The following MYO5A variants were observed in gnomAD, a reference collection of about 807,000 sequenced individuals.
The protein encoded by MYO5A is unconventional myosin-Va.
In MYO5A, 98 loss-of-function variants were observed where a neutral mutation model predicts 249.7. That is an observed-to-expected ratio of 0.39 (90% CI 0.33 to 0.46). The LOEUF (loss-of-function observed/expected upper bound fraction) is 0.46, where lower values mean the gene tolerates loss of function less well. MYO5A is among the 20% of genes least tolerant of loss of function. The pLI is 0.98. For missense variants in MYO5A, 1,696 were observed against 2,308.8 expected (o/e 0.73, Z 5.44); for synonymous variants, 778 against 810.6 (o/e 0.96, Z 0.68).
intron 20 of MYO5A, among the ~76,000 whole-genome samples, chr15:52,372,872 G>C (rs547885333): frequency 1.3e-5 from 2 of 151,934 alleles, no homozygotes; most frequent in Admixed American, 6.6e-5. Context: ...TATTAGGCCC[G>C]TGCATGAGGA....
chr15:52,365,151 T>C (rs16964924), intron 23 of MYO5A, among the ~76,000 whole-genome samples: 13,572 of 152,244 alleles, frequency 0.089, 1,879 homozygotes, highest in African/African-American at 0.3. Flanking sequence ...GTGGACCCGG[T>C]TGTCCTACTC....
chr15:52,460,410 C>A (rs145363150), intron 1 of MYO5A, among the ~76,000 whole-genome samples: 1 of 152,136 alleles, frequency 6.6e-6, no homozygotes, highest in Non-Finnish European at 1.5e-5. Flanking sequence ...CTCGGGAGGC[C>A]GAGGCTGGCA....
Position 52,337,896 on chromosome 15 carries a change from G to A in MYO5A, c.4240-12C>T. Reference sequence around the variant, plus strand: ...AATTCCTCAAAATACTGAAAAAACAGGCACAATGGATATTTGTTTTTGTCT... The same window carrying A: ...AATTCCTCAAAATACTGAAAAAACAAGCACAATGGATATTTGTTTTTGTCT... On this transcript the variant is annotated splice_polypyrimidine_tract_variant and intron_variant, in intron 32 of 41. Coordinates refer to ENST00000399233, the MANE Select transcript of MYO5A (RefSeq NM_001382347.1). 1 of 1,513,186 alleles carries A rather than the reference G, an allele frequency of 6.6e-7. No individual in the cohort carries two copies. The highest frequency in any genetic ancestry group is 8.9e-7 in the Non-Finnish European group (1 of 1,118,132). 93.7% of individuals were successfully genotyped at this position (1,513,186 alleles called of 1,614,324 possible). A position where few individuals can be genotyped will look rare whatever the true frequency, so the allele number is the denominator to read the frequency against.
chr15:52,495,616 T>C (rs1267282223), intron 1 of MYO5A, among the ~76,000 whole-genome samples: 4 of 152,188 alleles, frequency 2.6e-5, no homozygotes, highest in African/African-American at 9.7e-5. Context: ...CCATAGTGTA[T>C]ACATATACCA....
At chr15:52,473,491 T>A (rs1819416789) in intron 1 of MYO5A, among the ~76,000 whole-genome samples, 1 of 152,356 alleles carries the variant, frequency 6.6e-6, no homozygotes, top group South Asian at 2.1e-4. Flanking sequence ...CTGAATGGTA[T>A]TGCCTAGGTT....
rs1379636179 is a variant in MYO5A, at chr15:52,336,662, A to G, written c.4315-106T>C. The G allele has an allele frequency of 6.8e-6, 6 of 878,016 alleles. No homozygotes were observed. In the East Asian group the frequency reaches 1.6e-4, roughly 23 times the overall value. 54.4% of individuals were successfully genotyped at this position (878,016 alleles called of 1,614,324 possible). A position where few individuals can be genotyped will look rare whatever the true frequency, so the allele number is the denominator to read the frequency against. ...CACAGAAACAACACGTTAGTTTTAC[A>G]TAAGAGCTCATTGGTGGAGCCACCA... On this transcript the variant is annotated intron_variant, in intron 33 of 41. Coordinates refer to ENST00000399233, the MANE Select transcript of MYO5A (RefSeq NM_001382347.1).
Position 52,352,802 on chromosome 15 carries a change from G to GA in MYO5A, c.3621+802dup, listed in dbSNP as rs199795467. The stretch of plus-strand genomic sequence containing the variant: ...CATTTCAAAAAGAAAAAAGAAAAAA[G>GA]AAAAAAAAACTATTTAAAGTCCTTC... On this transcript the variant is annotated intron_variant, in intron 27 of 41. Coordinates refer to ENST00000399233, the MANE Select transcript of MYO5A (RefSeq NM_001382347.1). Among the ~76,000 whole-genome samples the GA allele has an allele frequency of 8.8e-3, 1,320 of 150,426 alleles. 15 individuals are homozygous for GA. The highest frequency in any genetic ancestry group is 0.028 in the African/African-American group (1,130 of 41,036).
Position 52,317,080 on chromosome 15 carries a change from A to C in MYO5A, c.5377T>G (p.Cys1793Gly). 6.2e-7 allele frequency: 1 copy of C among 1,614,176 alleles called. No homozygotes were observed. Among genetic ancestry groups the C allele is most frequent in the Non-Finnish European group, 8.5e-7 (1 of 1,180,018 alleles). ...GTAGTTAAAGCATTGCACATAGAAC[A>C]AATGGCTTCTGCATCATCATCTGTT... ...KKTDDDAEAI[C>G]SMCNALTTAQ... Residue 1793 changes from cysteine (C) to glycine (G), a missense_variant, in exon 40 of 42, where the codon TGT becomes GGT. Cys to Gly is a radical substitution (Grantham distance 159). Transcript: ENST00000399233.
intron 1 of MYO5A, among the ~76,000 whole-genome samples, chr15:52,507,148 T>C (rs1293936299): frequency 6.6e-6 from 1 of 152,222 alleles, no homozygotes; most frequent in Non-Finnish European, 1.5e-5. Context: ...CATATTTGTC[T>C]TCGAACCTCT....
chr15:52,407,783 A>G (rs142820959), intron 7 of MYO5A, among the ~76,000 whole-genome samples: 23 of 152,224 alleles, frequency 1.5e-4, no homozygotes, highest in African/African-American at 5.3e-4. Context: ...AAACACATAC[A>G]AAAGTAGAGA....
Position 52,370,163 on chromosome 15 carries a change from T to C in MYO5A, c.3066+6A>G, listed in dbSNP as rs745962504. 1.9e-6 allele frequency: 3 copies of C among 1,613,938 alleles called. No individual in the cohort carries two copies. The African/African-American group carries it at 4.0e-5, about 22-fold the overall frequency. On this transcript the variant is annotated splice_donor_region_variant and intron_variant, in intron 22 of 41. Coordinates refer to ENST00000399233, the MANE Select transcript of MYO5A (RefSeq NM_001382347.1). ...GAGTAGATGGGGATATGGACATTAT[T>C]CCTACCTGCTCTGTTTCTTGTTTGT... is the stretch of plus-strand genomic sequence containing the variant.
chr15:52,513,291 T>C (rs76745580), intron 1 of MYO5A, among the ~76,000 whole-genome samples: 32,892 of 150,648 alleles, frequency 0.22, 4,102 homozygotes, highest in African/African-American at 0.34. Context: ...ATTAGCAGGG[T>C]GTGGTGCCAT....
chr15:52,391,568 A>G (rs1793108854), intron 12 of MYO5A, among the ~76,000 whole-genome samples: 1 of 152,252 alleles, frequency 6.6e-6, no homozygotes, highest in Non-Finnish European at 1.5e-5. Flanking sequence ...TTTTACAATT[A>G]TAACTATTTA....
chr15:52,508,400 GAACT>G (rs2077318975), intron 1 of MYO5A, among the ~76,000 whole-genome samples: 1 of 148,234 alleles, frequency 6.7e-6, no homozygotes. Context: ...AAAAAAAGTA[GAACT>G]AACCTGACAA....
rs1303916707 is a variant in MYO5A at position 52,312,576 on chromosome 15, T to C, written c.*1120A>G. 1 of 152,254 alleles carries C rather than the reference T, an allele frequency of 6.6e-6. No individual in the cohort carries two copies. The highest frequency in any genetic ancestry group is 1.5e-5 in the Non-Finnish European group (1 of 68,062). 9.4% of individuals were successfully genotyped at this position (152,254 alleles called of 1,614,324 possible). On this transcript the variant is annotated 3_prime_UTR_variant, in exon 42 of 42. Coordinates refer to ENST00000399233, the MANE Select transcript of MYO5A (RefSeq NM_001382347.1). ...TTTCGCCATGTTGGCCAGGCTGGTC[T>C]CCAACTCCTAACCTGAAGTGATCCG...
In MYO5A at chr15:52,317,092, C is replaced by T; in HGVS notation, c.5365G>A (p.Ala1789Thr). The T allele has an allele frequency of 6.2e-7, 1 of 1,614,130 alleles. No individual in the cohort carries two copies. The highest frequency in any genetic ancestry group is 8.5e-7 in the Non-Finnish European group (1 of 1,180,018). Residue 1789 changes from alanine to threonine, a missense_variant, in exon 40 of 42, where the codon GCA becomes ACA. This residue lies in a region of MYO5A where 625 missense variants were observed against 908.1 expected (regional missense o/e 0.69). Coordinates refer to ENST00000399233, the MANE Select transcript of MYO5A (RefSeq NM_001382347.1). ...LQVKKKTDDD[A>T]EAICSMCNAL... ...TTGCACATAGAACAAATGGCTTCTGCATCATCATCTGTTTTCTTTTTCACT... is the reference window on the plus strand; with the variant it reads ...TTGCACATAGAACAAATGGCTTCTGTATCATCATCTGTTTTCTTTTTCACT...
At chr15:52,444,657 C>G (rs1647382653) in intron 1 of MYO5A, among the ~76,000 whole-genome samples, 2 of 152,112 alleles carry the variant, frequency 1.3e-5, no homozygotes, top group Non-Finnish European at 2.9e-5. Flanking sequence ...CAAAGTTGCT[C>G]AACTAAGCAA....
At chr15:52,488,750 G>A (rs554031170) in intron 1 of MYO5A, among the ~76,000 whole-genome samples, 2 of 149,854 alleles carry the variant, frequency 1.3e-5, no homozygotes, top group South Asian at 2.1e-4. Context: ...TGCGGGCTTG[G>A]GGGGATTTGT....
chr15:52,523,748 C>A (rs1257827965), intron 1 of MYO5A, among the ~76,000 whole-genome samples: 1 of 152,060 alleles, frequency 6.6e-6, no homozygotes, highest in East Asian at 1.9e-4. Flanking sequence ...ACTAGGAGAA[C>A]AGCAAGTCGT....
Sources: allele counts gnomAD v4.1 joint callset (sites outside exome capture counted in the v4.1 genomes callset), GRCh38; gene constraint gnomAD v4.1.1; regional missense constraint gnomAD v4.1.1; transcripts MANE v1.5; gene names NCBI Gene and HGNC (gene_info 2026-07-23, HGNC 2026-07-21).